CSMD1: variants seen among roughly 807,000 people sequenced by gnomAD.
CSMD1 encodes the protein CUB and Sushi multiple domains 1, also known as CUB and sushi domain-containing protein 1.
A neutral mutation model predicts 417.5 loss-of-function variants in CSMD1; 213 were observed. The observed-to-expected ratio is 0.51, with a 90% CI of 0.46 to 0.57. The LOEUF (loss-of-function observed/expected upper bound fraction) is 0.57. Among genes scored for constraint, CSMD1 ranks in the 20% least tolerant of loss-of-function variants. CSMD1 has a pLI of 0.00. For missense variants in CSMD1, 6,923 were observed against 4,529.7 expected (o/e 1.53, Z -15.17); for synonymous variants, 2,862 against 1,736.8 (o/e 1.65, Z -16.11).
At chr8:4,768,882 T>C (rs1399474280) in intron 1 of CSMD1, among the ~76,000 whole-genome samples, 3 of 152,180 alleles carry the variant, frequency 2.0e-5, no homozygotes, top group Non-Finnish European at 2.9e-5. Flanking sequence ...CTTCTCCCCT[T>C]TTTCCTAGCC....
intron 5 of CSMD1, among the ~76,000 whole-genome samples, chr8:3,845,936 C>T (rs953356895): frequency 1.8e-4 from 27 of 152,112 alleles, no homozygotes; most frequent in African/African-American, 6.3e-4. Context: ...CTTCCACCTT[C>T]ACATCCTGTC....
chr8:4,489,149 T>G (rs1232091496), intron 2 of CSMD1, among the ~76,000 whole-genome samples: 2 of 152,122 alleles, frequency 1.3e-5, no homozygotes, highest in South Asian at 2.1e-4. Flanking sequence ...TGACCTCAGG[T>G]GATCTACCTG....
chr8:4,905,773 T>C (rs188072751), intron 1 of CSMD1, among the ~76,000 whole-genome samples: 19,231 of 147,926 alleles, frequency 0.13, 1,396 homozygotes, highest in African/African-American at 0.15. Flanking sequence ...TGAGCCGAGA[T>C]TGTGCCACTG....
intron 12 of CSMD1, among the ~76,000 whole-genome samples, chr8:3,459,280 G>C (rs918440963): frequency 6.6e-6 from 1 of 152,210 alleles, no homozygotes; most frequent in Non-Finnish European, 1.5e-5. Flanking sequence ...AGCAGGGTGA[G>C]GCGAGGAGAG....
chr8:3,251,121 G>A (rs530780218), intron 26 of CSMD1, among the ~76,000 whole-genome samples: 1 of 152,184 alleles, frequency 6.6e-6, no homozygotes, highest in Non-Finnish European at 1.5e-5. Context: ...TGGTGTTTTA[G>A]ACATGAAGTC....
At chr8:3,786,575 G>A (rs777664105) in intron 5 of CSMD1, among the ~76,000 whole-genome samples, 2 of 152,160 alleles carry the variant, frequency 1.3e-5, no homozygotes, top group Non-Finnish European at 2.9e-5. Flanking sequence ...AACGGCCTAG[G>A]ATGGACAGGA....
intron 3 of CSMD1, among the ~76,000 whole-genome samples, chr8:4,067,960 C>G (rs1417549653): frequency 1.3e-5 from 2 of 151,964 alleles, no homozygotes; most frequent in Non-Finnish European, 2.9e-5. Context: ...TCCTGTAATC[C>G]CAGCTACTTG....
chr8:4,833,060 A>G (rs964805132), intron 1 of CSMD1, among the ~76,000 whole-genome samples: 1 of 152,198 alleles, frequency 6.6e-6, no homozygotes, highest in Non-Finnish European at 1.5e-5. Context: ...TGCGGAAAGT[A>G]TATACCACTT....
At chr8:4,930,261 T>C (rs1458259709) in intron 1 of CSMD1, among the ~76,000 whole-genome samples, 2 of 152,194 alleles carry the variant, frequency 1.3e-5, no homozygotes, top group Non-Finnish European at 2.9e-5. Flanking sequence ...CACACAAATA[T>C]TAAAACAAAA....
intron 6 of CSMD1, among the ~76,000 whole-genome samples, chr8:3,714,204 C>A (rs978926094): frequency 6.6e-6 from 1 of 150,408 alleles, no homozygotes; most frequent in Non-Finnish European, 1.5e-5. Context: ...CCATATATAA[C>A]ATATAAATGA....
Position 3,616,780 on chromosome 8 carries a change from C to G in CSMD1, c.1027G>C (p.Ala343Pro). The change falls in exon 8 of 70, where the codon GCA (alanine) becomes CCA (proline). Residue 343 changes from alanine to proline, a missense_variant. Ala to Pro is a conservative substitution (Grantham distance 27). Coordinates refer to ENST00000635120, the MANE Select transcript of CSMD1 (RefSeq NM_033225.6). ...KNSVLSQGGV[A>P]LVSDMCPDPG... ...TCTGGACACATGTCAGAGACCAATG[C>G]AACACCTCCTTGGCTCACTGTAATA... 1.2e-6 allele frequency: 2 copies of G among 1,611,500 alleles called. No individual in the cohort carries two copies. The highest frequency in any genetic ancestry group is 1.1e-5 in the South Asian group (1 of 90,934).
intron 1 of CSMD1, among the ~76,000 whole-genome samples, chr8:4,846,552 T>G (rs1048634586): frequency 6.6e-6 from 1 of 152,188 alleles, no homozygotes; most frequent in South Asian, 2.1e-4. Flanking sequence ...TCCTGTAAGA[T>G]TCTGCTTTAA....
At chr8:3,823,207 G>C (rs1801840889) in intron 5 of CSMD1, among the ~76,000 whole-genome samples, 3 of 152,162 alleles carry the variant, frequency 2.0e-5, no homozygotes, top group South Asian at 4.2e-4. Flanking sequence ...TGCAATATTG[G>C]TGGGTTATTA....
At chr8:3,331,445 A>G (rs985952533) in intron 23 of CSMD1, among the ~76,000 whole-genome samples, 1 of 152,202 alleles carries the variant, frequency 6.6e-6, no homozygotes, top group East Asian at 1.9e-4. Context: ...CTTATGATGT[A>G]TCAGTGGGAA....
At chr8:4,417,901 T>C (rs1314474261) in intron 3 of CSMD1, among the ~76,000 whole-genome samples, 3 of 152,228 alleles carry the variant, frequency 2.0e-5, no homozygotes, top group African/African-American at 7.2e-5. Flanking sequence ...CTAAAGTTTA[T>C]GTGTAAAGTA....
At chr8:3,298,652 C>A (rs549695607) in intron 25 of CSMD1, among the ~76,000 whole-genome samples, 1 of 152,154 alleles carries the variant, frequency 6.6e-6, no homozygotes, top group African/African-American at 2.4e-5. Flanking sequence ...CGGAGTTTCA[C>A]CATGTTGATC....
At chr8:4,928,142 G>T (rs936250333) in intron 1 of CSMD1, among the ~76,000 whole-genome samples, 1 of 152,014 alleles carries the variant, frequency 6.6e-6, no homozygotes, top group Non-Finnish European at 1.5e-5. Context: ...CTCTGCCCAC[G>T]TGGGACGCAC....
intron 3 of CSMD1, among the ~76,000 whole-genome samples, chr8:4,129,074 C>CCAAAAAAAAAAAAAAAACAAAAA: frequency 1.2e-5 from 1 of 80,750 alleles, no homozygotes; most frequent in Non-Finnish European, 2.4e-5. Context: ...GAGTCCAACT[C>CCAAAAAAAAAAAAAAAACAAAAA]AAAAAAAAAA....
At chr8:3,028,289 G>C (rs1380183038) in intron 51 of CSMD1, among the ~76,000 whole-genome samples, 1 of 152,110 alleles carries the variant, frequency 6.6e-6, no homozygotes, top group Non-Finnish European at 1.5e-5. Context: ...GAATCTCCAG[G>C]TGACAAAATC....
Sources: allele counts gnomAD v4.1 joint callset (sites outside exome capture counted in the v4.1 genomes callset), GRCh38; gene constraint gnomAD v4.1.1; transcripts MANE v1.5; gene names NCBI Gene and HGNC (gene_info 2026-07-23, HGNC 2026-07-21).